ERBB4: variants seen among roughly 807,000 people sequenced by gnomAD.
ERBB4 encodes erb-b2 receptor tyrosine kinase 4, also known as receptor tyrosine-protein kinase erbB-4.
ERBB4 carries 42 observed loss-of-function variants against 158.0 expected under a neutral mutation model. That is an observed-to-expected ratio of 0.27 (90% CI 0.21 to 0.34). ERBB4 has a LOEUF of 0.34. Among genes scored for constraint, ERBB4 ranks in the 10% least tolerant of loss-of-function variants. The pLI, the probability that ERBB4 is intolerant of heterozygous loss-of-function variation, is 1.00. For synonymous variants in ERBB4, 583 were observed against 558.7 expected (o/e 1.04, Z -0.61); for missense variants, 1,333 against 1,624.1 (o/e 0.82, Z 3.08).
chr2:211,689,895 A>C (rs1209683897), intron 12 of ERBB4, among the ~76,000 whole-genome samples: 1 of 151,846 alleles, frequency 6.6e-6, no homozygotes, highest in Non-Finnish European at 1.5e-5. Flanking sequence ...GGTTAAAATT[A>C]TACTGTACGG....
At chr2:211,746,823 G>GTC (rs2074987446) in intron 5 of ERBB4, among the ~76,000 whole-genome samples, 1 of 107,924 alleles carries the variant, frequency 9.3e-6, no homozygotes, top group East Asian at 3.0e-4. Context: ...GAGGGAGACT[G>GTC]TCTCAAAAAA....
At chr2:212,266,461 T>C (rs1040013867) in intron 1 of ERBB4, among the ~76,000 whole-genome samples, 2 of 151,980 alleles carry the variant, frequency 1.3e-5, no homozygotes, top group African/African-American at 4.8e-5. Flanking sequence ...TTCTTGGGTC[T>C]TTCTTAGTGG....
At chr2:212,196,382 A>T (rs2082427376) in intron 1 of ERBB4, among the ~76,000 whole-genome samples, 1 of 152,060 alleles carries the variant, frequency 6.6e-6, no homozygotes, top group Non-Finnish European at 1.5e-5. Context: ...GAGGAGCAAC[A>T]GGAAGCATTG....
intron 20 of ERBB4, among the ~76,000 whole-genome samples, chr2:211,498,261 C>A (rs921557031): frequency 6.6e-6 from 1 of 152,040 alleles, no homozygotes; most frequent in Non-Finnish European, 1.5e-5. Context: ...TATGCCCTCT[C>A]GTTACATAGA....
chr2:211,917,053 G>T (rs115621125), intron 3 of ERBB4, among the ~76,000 whole-genome samples: 4,736 of 152,188 alleles, frequency 0.031, 131 homozygotes, highest in Non-Finnish European at 0.046. Flanking sequence ...CCCAAGGGAG[G>T]CAAGGTGGCC....
rs754487821 is a variant in ERBB4, at chr2:211,947,543, C to T, written c.308G>A (p.Arg103His). The T allele has an allele frequency of 8.5e-5, 137 of 1,613,592 alleles. 1 individual carries two copies. The highest frequency in any genetic ancestry group is 6.8e-5 in the Non-Finnish European group (80 of 1,179,832). The stretch of plus-strand genomic sequence containing the variant: ...ATAAAGTTTTGTCCCACGAATAATG[C>T]GTAAATTCTCCAGAGGCAGGTAACG... ...QFRYLPLENL[R>H]IIRGTKLYED... Residue 103 changes from arginine to histidine, a missense_variant, in exon 3 of 28, where the codon CGC becomes CAC. Arg to His is a conservative substitution (Grantham distance 29, BLOSUM62 0). Around this residue, in one of 5 missense-constraint regions of ERBB4, gnomAD observed 438 missense variants for 586.9 expected, o/e 0.75. Coordinates refer to ENST00000342788, the MANE Select transcript of ERBB4 (RefSeq NM_005235.3).
chr2:211,829,292 A>C (rs1356195651), intron 3 of ERBB4, among the ~76,000 whole-genome samples: 1 of 152,086 alleles, frequency 6.6e-6, no homozygotes, highest in East Asian at 1.9e-4. Flanking sequence ...CACACACATT[A>C]TTTTAGTTGT....
intron 1 of ERBB4, among the ~76,000 whole-genome samples, chr2:212,215,070 G>A (rs1297004448): frequency 6.6e-6 from 1 of 151,566 alleles, no homozygotes; most frequent in East Asian, 1.9e-4. Context: ...ATCAGGTTGT[G>A]ATAACTTTGA....
intron 3 of ERBB4, among the ~76,000 whole-genome samples, chr2:211,838,110 T>G (rs2077381823): frequency 6.6e-6 from 1 of 151,990 alleles, no homozygotes; most frequent in African/African-American, 2.4e-5. Context: ...GTGCGGAGAA[T>G]CAACAGCAGA....
At chr2:211,659,831 CAG>C (rs2071352373) in intron 15 of ERBB4, among the ~76,000 whole-genome samples, 1 of 152,072 alleles carries the variant, frequency 6.6e-6, no homozygotes, top group African/African-American at 2.4e-5. Context: ...GATGCATAAA[CAG>C]ATGTGTATTG....
chr2:212,121,644 T>C (rs1250789955), intron 2 of ERBB4, among the ~76,000 whole-genome samples: 1 of 152,244 alleles, frequency 6.6e-6, no homozygotes, highest in African/African-American at 2.4e-5. Flanking sequence ...CGACGTTCTC[T>C]ACCTCTCCAG....
At chr2:211,875,548 T>C (rs2078477683) in intron 3 of ERBB4, among the ~76,000 whole-genome samples, 1 of 152,136 alleles carries the variant, frequency 6.6e-6, no homozygotes, top group Non-Finnish European at 1.5e-5. Flanking sequence ...TCATAAGATT[T>C]TAATGGATCT....
intron 25 of ERBB4, among the ~76,000 whole-genome samples, chr2:211,410,692 A>T (rs1203663359): frequency 6.6e-6 from 1 of 152,182 alleles, no homozygotes. Flanking sequence ...TTACCTCTTT[A>T]TTACTAAAGA....
At chr2:212,305,837 T>C (rs1395767284) in intron 1 of ERBB4, among the ~76,000 whole-genome samples, 1 of 151,446 alleles carries the variant, frequency 6.6e-6, no homozygotes, top group Admixed American at 6.6e-5. Flanking sequence ...ATCTGTTAAG[T>C]ACACAAACTT....
chr2:211,643,628 C>G (rs113897147), intron 16 of ERBB4, among the ~76,000 whole-genome samples: 1 of 152,022 alleles, frequency 6.6e-6, no homozygotes, highest in Admixed American at 6.6e-5. Flanking sequence ...GTCAATGGCC[C>G]TTTCCTTTCT....
At chr2:212,511,313 AAC>A (rs1326486003) in intron 1 of ERBB4, among the ~76,000 whole-genome samples, 1 of 152,158 alleles carries the variant, frequency 6.6e-6, no homozygotes, top group African/African-American at 2.4e-5. Flanking sequence ...CTTCCATCCT[AAC>A]CACACAGTTT....
Position 212,001,947 on chromosome 2 carries a change from C to T in ERBB4, c.235-54331G>A, listed in dbSNP as rs542399289. 3.3e-5 allele frequency among the ~76,000 whole-genome samples: 5 copies of T among 152,272 alleles called. No homozygotes were observed. The South Asian group carries it at 6.2e-4, about 19-fold the overall frequency. On this transcript the variant is annotated intron_variant, in intron 2 of 27. Coordinates refer to ENST00000342788, the MANE Select transcript of ERBB4 (RefSeq NM_005235.3). ...TATTAATAGCGTGACCATTAAATTA[C>T]ACAAACTTGGTAGTATTGAGAATTT...
At chr2:211,923,132 T>C (rs1245499183) in intron 3 of ERBB4, among the ~76,000 whole-genome samples, 2 of 152,124 alleles carry the variant, frequency 1.3e-5, no homozygotes, top group Admixed American at 6.6e-5. Context: ...AACTTTTGCA[T>C]ATGAATGAAG....
intron 18 of ERBB4, among the ~76,000 whole-genome samples, chr2:211,620,209 T>C (rs1269926230): frequency 6.6e-6 from 1 of 152,112 alleles, no homozygotes; most frequent in African/African-American, 2.4e-5. Flanking sequence ...TATGAGAGCA[T>C]GAGGACAAAA....
Sources: gnomAD v4.1 joint callset for allele counts (sites outside exome capture counted in the v4.1 genomes callset) on GRCh38, gnomAD v4.1.1 for gene constraint, gnomAD v4.1.1 regional missense constraint, MANE v1.5 for transcripts, NCBI Gene and HGNC (gene_info 2026-07-23, HGNC 2026-07-21) for gene names.